Variants in ANK3 observed in about 807,000 individuals in gnomAD.
ANK3 encodes ankyrin 3.
In ANK3, 57 loss-of-function variants were observed where a neutral mutation model predicts 370.9. That is an observed-to-expected ratio of 0.15 (90% CI 0.12 to 0.19). The LOEUF is 0.19. ANK3 is among the 10% of genes least tolerant of loss of function. The pLI, the probability that ANK3 is intolerant of heterozygous loss-of-function variation, is 1.00. For synonymous variants in ANK3, 1,929 were observed against 1,946.3 expected (o/e 0.99, Z 0.23); for missense variants, 4,439 against 5,302.1 (o/e 0.84, Z 5.06).
chr10:60,395,560 C>CTTTCTTTCTTTCTTTTCT (rs1555367086), intron 2 of ANK3, among the ~76,000 whole-genome samples: 1 of 90,812 alleles, frequency 1.1e-5, no homozygotes, highest in Non-Finnish European at 2.3e-5. Context: ...CTCTTTCTTT[C>CTTTCTTTCTTTCTTTTCT]TTTCTTTCTT....
chr10:60,409,981 C>T (rs2063526972), intron 2 of ANK3, among the ~76,000 whole-genome samples: 1 of 152,114 alleles, frequency 6.6e-6, no homozygotes, highest in Admixed American at 6.5e-5. Flanking sequence ...ATAGGTGCAT[C>T]CCCTCTGGTC....
intron 28 of ANK3, among the ~76,000 whole-genome samples, chr10:60,089,991 T>TA (rs2087808027): frequency 6.6e-6 from 1 of 152,128 alleles, no homozygotes; most frequent in Non-Finnish European, 1.5e-5. Context: ...TGTATATAAA[T>TA]AAAAAATTAC....
chr10:60,211,911 A>C (rs2096862093), intron 9 of ANK3, among the ~76,000 whole-genome samples: 2 of 151,082 alleles, frequency 1.3e-5, no homozygotes, highest in South Asian at 4.2e-4. Context: ...AAAAAAAAAA[A>C]AAGGAAAAAA....
intron 2 of ANK3, among the ~76,000 whole-genome samples, chr10:60,478,087 G>T (rs2075118942): frequency 6.6e-6 from 1 of 152,006 alleles, no homozygotes; most frequent in Admixed American, 6.6e-5. Flanking sequence ...CGGGGAGAAT[G>T]AATTCATCAT....
At chr10:60,338,704 C>CT (rs1406220764) in intron 1 of ANK3, among the ~76,000 whole-genome samples, 40 of 152,168 alleles carry the variant, frequency 2.6e-4, no homozygotes, top group Admixed American at 1.8e-3. Flanking sequence ...AAGTTCTCCC[C>CT]TTTGATAAAA....
At position 60,072,268 on chromosome 10, in the gene ANK3, C is replaced by A. The variant is rs754091164; in HGVS notation, c.8613G>T (p.Ser2871=). The A allele has an allele frequency of 6.2e-7, 1 of 1,614,066 alleles. No individual in the cohort carries two copies. Among genetic ancestry groups the A allele is most frequent in the Non-Finnish European group, 8.5e-7 (1 of 1,180,004 alleles). ...CTCTTACATCATGAACAAGTACATG[C>A]GAAAGTTTTTCTTTCTGAGACTTAT... ...TNNKSQKEKL[S]HVLVHDVREN... The change falls in exon 37 of 44, where the codon TCG becomes TCT. Residue 2871 remains serine, a synonymous_variant. Transcript: ENST00000280772.
intron 23 of ANK3, chr10:60,140,715 G>A (rs2094523526): frequency 2.5e-6 from 3 of 1,200,992 alleles, no homozygotes; most frequent in Middle Eastern, 3.4e-4. Flanking sequence ...CAAGCCTCTA[G>A]CAGGACAGAA....
intron 1 of ANK3, among the ~76,000 whole-genome samples, chr10:60,692,586 T>C (rs1370875228): frequency 1.3e-5 from 2 of 152,218 alleles, no homozygotes; most frequent in Non-Finnish European, 2.9e-5. Context: ...ACCTCTTTTC[T>C]ACTCTGAATT....
At chr10:60,327,245 C>G (rs1468191237) in intron 1 of ANK3, among the ~76,000 whole-genome samples, 3 of 152,146 alleles carry the variant, frequency 2.0e-5, no homozygotes, top group South Asian at 2.1e-4. Flanking sequence ...TACTGATATT[C>G]AGGGTGCACA....
At chr10:60,592,236 T>C (rs554927770) in intron 2 of ANK3, among the ~76,000 whole-genome samples, 2 of 152,272 alleles carry the variant, frequency 1.3e-5, no homozygotes, top group South Asian at 4.2e-4. Context: ...TTTAATAATT[T>C]AAACATTTAA....
At chr10:60,319,152 A>T in intron 1 of ANK3, among the ~76,000 whole-genome samples, 1 of 152,230 alleles carries the variant, frequency 6.6e-6, no homozygotes, top group East Asian at 1.9e-4. Context: ...TGCCTTTGAA[A>T]AAAAACACTG....
intron 2 of ANK3, among the ~76,000 whole-genome samples, chr10:60,408,780 T>C (rs912136966): frequency 6.6e-6 from 1 of 152,194 alleles, no homozygotes; most frequent in South Asian, 2.1e-4. Context: ...GGGCCTGATA[T>C]GGAGGCTTTC....
At chr10:60,198,279 G>C in intron 14 of ANK3, 61 bp downstream of exon 14, 1 of 1,550,582 alleles carries the variant, frequency 6.4e-7, no homozygotes, top group Non-Finnish European at 8.9e-7. Context: ...TACTATGCGG[G>C]GAAACGTAAG....
At chr10:60,477,438 TTCTAAAG>T (rs1437723083) in intron 2 of ANK3, among the ~76,000 whole-genome samples, 1 of 151,470 alleles carries the variant, frequency 6.6e-6, no homozygotes, top group Non-Finnish European at 1.5e-5. Context: ...ATGTTCTAAT[TTCTAAAG>T]CAAAATGAGT....
intron 28 of ANK3, among the ~76,000 whole-genome samples, chr10:60,101,424 G>T (rs1391970236): frequency 6.6e-6 from 1 of 152,158 alleles, no homozygotes; most frequent in African/African-American, 2.4e-5. Context: ...AACTTTGTGA[G>T]TTTAATTAAA....
intron 2 of ANK3, among the ~76,000 whole-genome samples, chr10:60,564,098 A>G (rs1366322458): frequency 6.6e-6 from 1 of 152,210 alleles, no homozygotes; most frequent in East Asian, 1.9e-4. Context: ...TCAAAATTTC[A>G]GTTTCATGGA....
intron 11 of ANK3, among the ~76,000 whole-genome samples, chr10:60,205,432 A>G (rs552627417): frequency 6.6e-6 from 1 of 152,204 alleles, no homozygotes; most frequent in South Asian, 2.1e-4. Flanking sequence ...TGTGACAATT[A>G]AAAGTACCTC....
At chr10:60,708,885 C>G (rs1420538627) in intron 1 of ANK3, among the ~76,000 whole-genome samples, 1 of 152,112 alleles carries the variant, frequency 6.6e-6, no homozygotes, top group East Asian at 1.9e-4. Context: ...GAAAGAGTCT[C>G]TAAGGAAACC....
chr10:60,174,570 A>G (rs1226419399), intron 18 of ANK3, among the ~76,000 whole-genome samples: 1 of 152,224 alleles, frequency 6.6e-6, no homozygotes, highest in African/African-American at 2.4e-5. Flanking sequence ...TCCAAGTTCA[A>G]AGAACTTCCC....
Sources: allele counts gnomAD v4.1 joint callset (sites outside exome capture counted in the v4.1 genomes callset), GRCh38; gene constraint gnomAD v4.1.1; transcripts MANE v1.5; gene names NCBI Gene and HGNC (gene_info 2026-07-23, HGNC 2026-07-21).